Variants in ANXA8 observed in about 807,000 individuals in gnomAD.
ANXA8 encodes VAC-beta.
A neutral mutation model predicts 26.8 loss-of-function variants in ANXA8; 9 were observed. The ratio of observed to expected loss-of-function variants is 0.34; its 90% CI spans 0.20 to 0.59. The LOEUF is 0.59. ANXA8 is among the 20% of genes least tolerant of loss of function. ANXA8 has a pLI of 0.84. For synonymous variants in ANXA8, 39 were observed against 94.8 expected (o/e 0.41, Z 3.42); for missense variants, 83 against 238.5 (o/e 0.35, Z 4.29).
the ANXA8 span, among the ~76,000 whole-genome samples, chr10:47,776,100 A>T: frequency 2.6e-5 from 4 of 152,198 alleles, no homozygotes; most frequent in East Asian, 5.8e-4. Context: ...GAGCACAGTC[A>T]GGAGGAAACC....
At chr10:47,589,481 C>T in the ANXA8 span, 1 of 146,152 alleles carries the variant, frequency 6.8e-6, no homozygotes, top group Admixed American at 6.6e-5. Flanking sequence ...TCCCTTTGGC[C>T]TTATGAGCCA....
At chr10:47,971,309 A>C in the ANXA8 span, among the ~76,000 whole-genome samples, 1 of 151,218 alleles carries the variant, frequency 6.6e-6, no homozygotes, top group Non-Finnish European at 1.5e-5. Flanking sequence ...TGTATCAGTG[A>C]AGGAAGGGGA....
chr10:47,562,209 G>C, the ANXA8 span, among the ~76,000 whole-genome samples: 1 of 151,406 alleles, frequency 6.6e-6, no homozygotes, highest in East Asian at 1.9e-4. Context: ...TTAATATTAA[G>C]GTTGATGTTT....
At chr10:47,597,241 G>T in the ANXA8 span, among the ~76,000 whole-genome samples, 3 of 148,976 alleles carry the variant, frequency 2.0e-5, 1 homozygote, top group Non-Finnish European at 1.5e-5. Flanking sequence ...AATAGACTAG[G>T]CATTCAAAGA....
At chr10:47,664,191 C>A in the ANXA8 span, among the ~76,000 whole-genome samples, 1 of 151,710 alleles carries the variant, frequency 6.6e-6, no homozygotes, top group Non-Finnish European at 1.5e-5. Context: ...GCCTGGCCAA[C>A]AGGGTGAAAC....
the ANXA8 span, among the ~76,000 whole-genome samples, chr10:47,643,528 AAATC>A: frequency 0.013 from 1,878 of 144,342 alleles, 44 homozygotes; most frequent in African/African-American, 0.045. Flanking sequence ...GACTCCATAA[AAATC>A]AATCAATCAA....
At chr10:47,627,721 A>G in the ANXA8 span, among the ~76,000 whole-genome samples, 1 of 150,152 alleles carries the variant, frequency 6.7e-6, no homozygotes, top group African/African-American at 2.5e-5. Context: ...AGGGAAATTT[A>G]TAATCATTAT....
At chr10:47,675,699 G>C in the ANXA8 span, among the ~76,000 whole-genome samples, 3 of 151,706 alleles carry the variant, frequency 2.0e-5, no homozygotes, top group African/African-American at 7.3e-5. Context: ...TAAAATGTCT[G>C]GTGTGTAATG....
chr10:47,600,187 C>T, the ANXA8 span, among the ~76,000 whole-genome samples: 1 of 149,230 alleles, frequency 6.7e-6, no homozygotes, highest in South Asian at 2.1e-4. Flanking sequence ...CATTCACGTA[C>T]AATGTGGGAA....
the ANXA8 span, among the ~76,000 whole-genome samples, chr10:47,651,490 A>G: frequency 5.3e-5 from 8 of 151,022 alleles, no homozygotes; most frequent in Admixed American, 1.3e-4. Flanking sequence ...AAGAGAAATG[A>G]CAACATATGT....
the ANXA8 span, among the ~76,000 whole-genome samples, chr10:47,686,372 C>A: frequency 1.3e-5 from 2 of 151,508 alleles, no homozygotes; most frequent in East Asian, 1.9e-4. Context: ...GTGCGTGCCA[C>A]CATACCTGGC....
At chr10:47,564,386 C>T in the ANXA8 span, 2 of 822,504 alleles carry the variant, frequency 2.4e-6, no homozygotes, top group Non-Finnish European at 1.9e-6. Flanking sequence ...GGCATGTGCT[C>T]AGCTCCGTCA....
At chr10:47,503,832 G>A in the ANXA8 span, among the ~76,000 whole-genome samples, 4 of 120,170 alleles carry the variant, frequency 3.3e-5, no homozygotes, top group Non-Finnish European at 5.0e-5. Flanking sequence ...TACTCGGGAG[G>A]CTGAGGCAGG....
At chr10:47,524,983 T>TA in the ANXA8 span, among the ~76,000 whole-genome samples, 2 of 26,198 alleles carry the variant, frequency 7.6e-5, no homozygotes, top group South Asian at 2.4e-3. Flanking sequence ...TCAGGAAACT[T>TA]ACAATCATGG....
the ANXA8 span, among the ~76,000 whole-genome samples, chr10:47,711,450 T>C: frequency 7.2e-6 from 1 of 138,194 alleles, no homozygotes; most frequent in Non-Finnish European, 1.5e-5. Flanking sequence ...CTGAAAGAGT[T>C]AATGTCTCTC....
the ANXA8 span, among the ~76,000 whole-genome samples, chr10:47,982,392 A>C: frequency 2.0e-5 from 3 of 151,316 alleles, no homozygotes; most frequent in Non-Finnish European, 4.4e-5. Context: ...AATGTAATAG[A>C]ATTGAAAATC....
chr10:47,895,050 G>A, the ANXA8 span, among the ~76,000 whole-genome samples: 15 of 151,964 alleles, frequency 9.9e-5, no homozygotes, highest in African/African-American at 2.2e-4. Context: ...CATACACACC[G>A]CACATACACC....
chr10:47,769,925 G>C, the ANXA8 span, among the ~76,000 whole-genome samples: 3 of 150,890 alleles, frequency 2.0e-5, no homozygotes, highest in African/African-American at 7.3e-5. Flanking sequence ...AAGGAAGCAT[G>C]GTGCCAGCAT....
At chr10:47,686,191 T>C in the ANXA8 span, among the ~76,000 whole-genome samples, 1 of 151,042 alleles carries the variant, frequency 6.6e-6, no homozygotes. Flanking sequence ...AGAGATGCTG[T>C]CCCTTCCTTT....
Sources: gnomAD v4.1 joint callset for allele counts (sites outside exome capture counted in the v4.1 genomes callset) on GRCh38, gnomAD v4.1.1 for gene constraint, MANE v1.5 for transcripts, NCBI Gene and HGNC (gene_info 2026-07-23, HGNC 2026-07-21) for gene names.